NTM: variants seen among roughly 807,000 people sequenced by gnomAD.
NTM encodes IgLON family member 2.
In NTM, 13 loss-of-function variants were observed where a neutral mutation model predicts 42.1. The observed-to-expected ratio is 0.31, with a 90% CI of 0.20 to 0.49. NTM has a LOEUF of 0.49. Among genes scored for constraint, NTM ranks in the 20% least tolerant of loss-of-function variants. The probability of loss-of-function intolerance (pLI) is 0.99; values close to 1 mark genes in which losing one functional copy is unlikely to be tolerated. For synonymous variants in NTM, 187 were observed against 179.2 expected, an observed-to-expected ratio of 1.04 and a Z score of -0.35; for missense variants, 373 against 452.8, an observed-to-expected ratio of 0.82 and a Z score of 1.60.
At chr11:131,635,776 T>C (rs1309301270) in intron 1 of NTM, among the ~76,000 whole-genome samples, 3 of 152,182 alleles carry the variant, frequency 2.0e-5, no homozygotes, top group African/African-American at 7.2e-5. Flanking sequence ...CTCTTCTCAC[T>C]GACTCACCCA....
intron 1 of NTM, among the ~76,000 whole-genome samples, chr11:131,562,168 G>A (rs574298009): frequency 2.7e-4 from 41 of 152,152 alleles, no homozygotes; most frequent in African/African-American, 9.2e-4. Context: ...CAGGCCTGGG[G>A]ACCGACAGCC....
intron 4 of NTM, among the ~76,000 whole-genome samples, chr11:132,217,660 A>C (rs3133893): frequency 1.3e-5 from 2 of 151,696 alleles, no homozygotes; most frequent in Admixed American, 6.6e-5. Context: ...TCTCCATACC[A>C]ACAGGGCTCA....
In NTM at chr11:132,064,850, A is replaced by G. The variant is rs139746636; in HGVS notation, c.168-81432A>G. On this transcript the variant is annotated intron_variant, in intron 2 of 8. Coordinates refer to ENST00000683400, the MANE Select transcript of NTM (RefSeq NM_001352005.2). ...CATCATACCTCATTATTTTAAATGA[A>G]TAAACATTTCAAACAACCACTGCAT... Among the ~76,000 whole-genome samples the G allele has an allele frequency of 1.1e-3, 165 of 152,336 alleles. 1 individual carries two copies. Among genetic ancestry groups the G allele is most frequent in the African/African-American group, 3.8e-3 (157 of 41,566 alleles).
intron 2 of NTM, among the ~76,000 whole-genome samples, chr11:132,103,609 C>G (rs2061900203): frequency 6.6e-6 from 1 of 152,140 alleles, no homozygotes; most frequent in African/African-American, 2.4e-5. Flanking sequence ...AGGGAAGATA[C>G]CTATGGCACC....
At chr11:131,457,228 A>G (rs1950976058) in intron 1 of NTM, among the ~76,000 whole-genome samples, 1 of 152,210 alleles carries the variant, frequency 6.6e-6, no homozygotes, top group Non-Finnish European at 1.5e-5. Flanking sequence ...ACTAAGTCCA[A>G]GAGAGTGTGT....
intron 4 of NTM, among the ~76,000 whole-genome samples, chr11:132,287,085 G>C (rs2139939613): frequency 6.6e-6 from 1 of 152,232 alleles, no homozygotes; most frequent in East Asian, 1.9e-4. Context: ...GACCCCTCAG[G>C]CTGTCGATGG....
chr11:132,000,358 G>T (rs990864039), intron 2 of NTM, among the ~76,000 whole-genome samples: 5 of 152,136 alleles, frequency 3.3e-5, no homozygotes, highest in African/African-American at 1.2e-4. Context: ...CTTTGCAAAC[G>T]CTCATCTTTC....
chr11:131,751,589 CAA>C (rs34297944), intron 1 of NTM, among the ~76,000 whole-genome samples: 26,434 of 115,944 alleles, frequency 0.23, 3,676 homozygotes, highest in African/African-American at 0.46. Context: ...GACTCCGTCT[CAA>C]AAAAAAAAAA....
At chr11:131,853,208 G>A (rs1257615478) in intron 1 of NTM, among the ~76,000 whole-genome samples, 1 of 151,870 alleles carries the variant, frequency 6.6e-6, no homozygotes, top group Non-Finnish European at 1.5e-5. Flanking sequence ...CACAGTCTGA[G>A]CACCATAAGC....
chr11:131,664,355 C>G (rs538657470), intron 1 of NTM, among the ~76,000 whole-genome samples: 4 of 152,334 alleles, frequency 2.6e-5, no homozygotes, highest in African/African-American at 9.6e-5. Context: ...GAAAAATCCC[C>G]TCTCATCATA....
intron 2 of NTM, among the ~76,000 whole-genome samples, chr11:132,009,929 T>C (rs938627529): frequency 1.3e-5 from 2 of 152,172 alleles, no homozygotes; most frequent in Admixed American, 6.5e-5. Flanking sequence ...ACCCTTTTTT[T>C]CTGAGTTCAC....
chr11:131,683,014 G>A (rs117895890), intron 1 of NTM, among the ~76,000 whole-genome samples: 2,603 of 152,290 alleles, frequency 0.017, 43 homozygotes, highest in Middle Eastern at 0.044. Context: ...GCAAGCACGT[G>A]CAAGGACGCA....
intron 2 of NTM, among the ~76,000 whole-genome samples, chr11:131,975,360 A>G (rs929277887): frequency 2.0e-5 from 3 of 152,074 alleles, no homozygotes; most frequent in Non-Finnish European, 4.4e-5. Context: ...TTGTATTTTT[A>G]GTAGAGATAG....
chr11:131,684,840 C>G (rs3851093), intron 1 of NTM, among the ~76,000 whole-genome samples: 2 of 152,208 alleles, frequency 1.3e-5, no homozygotes, highest in Non-Finnish European at 2.9e-5. Flanking sequence ...TGTAGGACAA[C>G]GACACTCCCA....
At chr11:131,749,000 T>C (rs975773301) in intron 1 of NTM, among the ~76,000 whole-genome samples, 1 of 152,206 alleles carries the variant, frequency 6.6e-6, no homozygotes, top group Non-Finnish European at 1.5e-5. Flanking sequence ...AGAAAGGACA[T>C]AGAGTAGCAT....
intron 2 of NTM, among the ~76,000 whole-genome samples, chr11:132,120,921 T>C (rs2064707127): frequency 6.6e-6 from 1 of 152,156 alleles, no homozygotes; most frequent in Non-Finnish European, 1.5e-5. Flanking sequence ...GGAGTGCGTG[T>C]GTGTGTATGT....
chr11:132,289,349 C>T (rs1163256367), intron 4 of NTM, among the ~76,000 whole-genome samples: 2 of 152,336 alleles, frequency 1.3e-5, no homozygotes, highest in East Asian at 3.9e-4. Flanking sequence ...TGGTGGTTTA[C>T]ACAAGAGTTC....
At chr11:132,225,056 A>G (rs188806193) in intron 4 of NTM, among the ~76,000 whole-genome samples, 4 of 152,324 alleles carry the variant, frequency 2.6e-5, no homozygotes, top group Non-Finnish European at 5.9e-5. Flanking sequence ...ATTTTTTAAG[A>G]GAAGAGGGAT....
chr11:132,181,915 G>A lies in NTM; in HGVS notation c.401-30107G>A, dbSNP rs189118577. Among the ~76,000 whole-genome samples the A allele has an allele frequency of 5.1e-4, 77 of 151,210 alleles. 1 individual carries two copies. Among genetic ancestry groups the A allele is most frequent in the African/African-American group, 1.7e-3 (70 of 41,314 alleles). ...TATTAGAGTACTATAAGGCAAGTCT[G>A]AAATCTTATCAGATTTCAAAATGGA... is the stretch of plus-strand genomic sequence containing the variant. On this transcript the variant is annotated intron_variant, in intron 3 of 8. Coordinates refer to ENST00000683400, the MANE Select transcript of NTM (RefSeq NM_001352005.2).
Sources: gnomAD v4.1 joint callset for allele counts (sites outside exome capture counted in the v4.1 genomes callset) on GRCh38, gnomAD v4.1.1 for gene constraint, MANE v1.5 for transcripts, NCBI Gene and HGNC (gene_info 2026-07-23, HGNC 2026-07-21) for gene names.